CCSER1: variants seen among roughly 807,000 people sequenced by gnomAD.
CCSER1 encodes coiled-coil serine rich protein 1, also known as serine-rich coiled-coil domain-containing protein 1.
Under a neutral mutation model 82.0 loss-of-function variants are expected in CCSER1, and 41 were observed. The ratio of observed to expected loss-of-function variants is 0.50; its 90% CI spans 0.39 to 0.65. CCSER1 has a LOEUF of 0.65. Among genes scored for constraint, CCSER1 ranks in the 30% least tolerant of loss-of-function variants. The pLI is 0.00. For missense variants in CCSER1, 1,119 were observed against 1,064.2 expected, an observed-to-expected ratio of 1.05 and a Z score of -0.72; for synonymous variants, 414 against 383.9, an observed-to-expected ratio of 1.08 and a Z score of -0.92.
intron 5 of CCSER1, among the ~76,000 whole-genome samples, chr4:90,540,963 C>T (rs1776026305): frequency 6.6e-6 from 1 of 152,072 alleles, no homozygotes; most frequent in South Asian, 2.1e-4. Flanking sequence ...AAATACTCCT[C>T]TCTTTATTTT....
intron 10 of CCSER1, among the ~76,000 whole-genome samples, chr4:91,354,493 A>C (rs1445164429): frequency 2.6e-5 from 4 of 152,244 alleles, no homozygotes; most frequent in Admixed American, 2.6e-4. Flanking sequence ...ATAGTCTGCA[A>C]CTTTGGAAAT....
At chr4:90,813,674 C>A (rs575134830) in intron 7 of CCSER1, among the ~76,000 whole-genome samples, 210 of 152,292 alleles carry the variant, frequency 1.4e-3, no homozygotes, top group Non-Finnish European at 2.3e-3. Flanking sequence ...TAAGTAGCAT[C>A]TTTCACCTCC....
At chr4:91,109,281 C>A (rs1001531177) in intron 10 of CCSER1, among the ~76,000 whole-genome samples, 12 of 152,036 alleles carry the variant, frequency 7.9e-5, no homozygotes, top group African/African-American at 2.9e-4. Flanking sequence ...CTAATATATC[C>A]CCTCTCATCT....
At chr4:91,496,976 T>C (rs1204367682) in intron 10 of CCSER1, among the ~76,000 whole-genome samples, 2 of 149,804 alleles carry the variant, frequency 1.3e-5, no homozygotes, top group Admixed American at 6.8e-5. Flanking sequence ...CATAGACTTA[T>C]CGATGTTCTT....
At chr4:90,653,054 G>A (rs1352071914) in intron 6 of CCSER1, among the ~76,000 whole-genome samples, 2 of 119,028 alleles carry the variant, frequency 1.7e-5, no homozygotes, top group African/African-American at 3.1e-5. Flanking sequence ...ATTTCAAGTC[G>A]TTTAACTGCC....
chr4:91,077,533 A>T lies in CCSER1; in HGVS notation c.2173-8417A>T, dbSNP rs187421787. Among the ~76,000 whole-genome samples, 64 of 152,310 alleles carry T rather than the reference A, an allele frequency of 4.2e-4. No individual in the cohort carries two copies. The East Asian group carries it at 0.011, about 27-fold the overall frequency. On this transcript the variant is annotated intron_variant, in intron 9 of 10. Transcript: ENST00000509176. ...CAGAAAAAGTTGAAAACACTATTGC[A>T]CAGTGTGAATGACGAAGAAGACGGG...
intron 5 of CCSER1, among the ~76,000 whole-genome samples, chr4:90,562,063 G>A (rs986104606): frequency 6.6e-6 from 1 of 151,786 alleles, no homozygotes; most frequent in Non-Finnish European, 1.5e-5. Flanking sequence ...AGTGGCGAGT[G>A]CCTGTAATAC....
chr4:90,755,848 G>A (rs1372049032), intron 7 of CCSER1, among the ~76,000 whole-genome samples: 1 of 152,142 alleles, frequency 6.6e-6, no homozygotes, highest in Non-Finnish European at 1.5e-5. Flanking sequence ...TAAATTATAT[G>A]CAATAAGGAA....
At chr4:90,812,007 TG>T (rs1265615949) in intron 7 of CCSER1, among the ~76,000 whole-genome samples, 1 of 150,154 alleles carries the variant, frequency 6.7e-6, no homozygotes, top group East Asian at 1.9e-4. Context: ...TATATATATA[TG>T]AGTTTATTAA....
intron 8 of CCSER1, among the ~76,000 whole-genome samples, chr4:90,923,094 T>C (rs533209435): frequency 6.6e-6 from 1 of 152,274 alleles, no homozygotes; most frequent in Admixed American, 6.5e-5. Context: ...AGACATTTGG[T>C]CTTGGATTTA....
intron 1 of CCSER1, among the ~76,000 whole-genome samples, chr4:90,152,819 G>C (rs972644980): frequency 1.1e-4 from 16 of 151,876 alleles, no homozygotes; most frequent in African/African-American, 2.7e-4. Context: ...TTGAGCAGTA[G>C]ACCAGCATGC....
rs528762115 is a variant in CCSER1, at chr4:91,238,042, G to A, written c.2217+152048G>A. Among the ~76,000 whole-genome samples, 7 of 152,248 alleles carry A rather than the reference G, an allele frequency of 4.6e-5. No homozygotes were observed. The East Asian group carries it at 1.2e-3, about 25-fold the overall frequency. ...AGCAGTGTGCTCTTTTGCATAGTGG[G>A]ATAGGCAGAGTTTAAAGATGACCCC... On this transcript the variant is annotated intron_variant, in intron 10 of 10. Transcript: ENST00000509176.
At chr4:90,571,499 A>T (rs888269487) in intron 5 of CCSER1, among the ~76,000 whole-genome samples, 1 of 152,192 alleles carries the variant, frequency 6.6e-6, no homozygotes, top group Non-Finnish European at 1.5e-5. Context: ...CAGAAACAGA[A>T]AACCAAATAC....
intron 8 of CCSER1, among the ~76,000 whole-genome samples, chr4:90,878,453 T>G (rs1294215641): frequency 6.6e-6 from 1 of 152,188 alleles, no homozygotes; most frequent in African/African-American, 2.4e-5. Context: ...AAATCTCACT[T>G]TTAGATTAAT....
rs181183445 is a variant in CCSER1, at chr4:91,117,707, A to T, written c.2217+31713A>T. Among the ~76,000 whole-genome samples, 261 of 152,306 alleles carry T rather than the reference A, an allele frequency of 1.7e-3. 3 individuals are homozygous for T. The highest frequency in any genetic ancestry group is 6.0e-3 in the African/African-American group (249 of 41,568). On this transcript the variant is annotated intron_variant, in intron 10 of 10. Transcript: ENST00000509176. ...GCCAATGCCATAGGCAGAAAAAAAAATGATTAAGAGCATCAGTTTTGTGGT... is the reference window on the plus strand; with the variant it reads ...GCCAATGCCATAGGCAGAAAAAAAATTGATTAAGAGCATCAGTTTTGTGGT...
At chr4:90,809,311 T>TACAC (rs56677479) in intron 7 of CCSER1, among the ~76,000 whole-genome samples, 4,676 of 148,320 alleles carry the variant, frequency 0.032, 180 homozygotes, top group African/African-American at 0.093. Context: ...AGCAAGATCA[T>TACAC]ACACACACAC....
At chr4:90,780,128 T>C (rs79126921) in intron 7 of CCSER1, among the ~76,000 whole-genome samples, 2,096 of 152,300 alleles carry the variant, frequency 0.014, 52 homozygotes, top group African/African-American at 0.049. Context: ...CTGATATAGA[T>C]GCCCTCAGGA....
chr4:90,369,126 T>C (rs181122461), intron 3 of CCSER1, among the ~76,000 whole-genome samples: 6 of 151,646 alleles, frequency 4.0e-5, no homozygotes, highest in African/African-American at 1.5e-4. Context: ...AAACCACTGG[T>C]CTGGCTAATT....
At chr4:90,611,128 A>G (rs1016476988) in intron 5 of CCSER1, among the ~76,000 whole-genome samples, 6 of 131,158 alleles carry the variant, frequency 4.6e-5, no homozygotes, top group Non-Finnish European at 7.6e-5. Flanking sequence ...CGAACTCCTG[A>G]CCTCAGGTGA....
Sources: allele counts gnomAD v4.1 joint callset (sites outside exome capture counted in the v4.1 genomes callset), GRCh38; gene constraint gnomAD v4.1.1; transcripts MANE v1.5; gene names NCBI Gene and HGNC (gene_info 2026-07-23, HGNC 2026-07-21).